The following TWSG1 variants were observed in gnomAD, a reference collection of about 807,000 sequenced individuals.
TWSG1 encodes the protein twisted gastrulation protein homolog 1.
In TWSG1, 15 loss-of-function variants were observed where a neutral mutation model predicts 23.0. The observed-to-expected ratio is 0.65, with a 90% confidence interval of 0.44 to 1.00. The LOEUF is 1.00. Ranked by LOEUF, TWSG1 falls within the 50% of genes least tolerant of loss-of-function variation. The probability of loss-of-function intolerance (pLI) is 0.00; values close to 1 mark genes in which losing one functional copy is unlikely to be tolerated. For synonymous variants in TWSG1, 86 were observed against 92.8 expected, an observed-to-expected ratio of 0.93 and a Z score of 0.42; for missense variants, 242 against 278.7, an observed-to-expected ratio of 0.87 and a Z score of 0.94.
intron 4 of TWSG1, among the ~76,000 whole-genome samples, chr18:9,399,007 CA>C (rs879700117): frequency 1.2e-3 from 158 of 136,438 alleles, no homozygotes; most frequent in South Asian, 2.5e-3. Flanking sequence ...GACTCCATCT[CA>C]AAAAAAAAAA....
chr18:9,335,863 C>T (rs573930872), intron 1 of TWSG1, among the ~76,000 whole-genome samples: 39 of 152,160 alleles, frequency 2.6e-4, no homozygotes, highest in Non-Finnish European at 4.6e-4. Flanking sequence ...CATAAATGCC[C>T]CCATAAACTC....
intron 3 of TWSG1, among the ~76,000 whole-genome samples, chr18:9,378,034 A>G (rs1249413383): frequency 3.3e-5 from 5 of 152,250 alleles, no homozygotes; most frequent in Non-Finnish European, 2.9e-5. Flanking sequence ...TACAACACCA[A>G]AGGCACAATA....
chr18:9,336,805 A>T (rs8095060), intron 1 of TWSG1, among the ~76,000 whole-genome samples: 69,217 of 152,062 alleles, frequency 0.46, 16,909 homozygotes, highest in African/African-American at 0.65. Flanking sequence ...GGAACTGTAG[A>T]GTTCTAGGTC....
intron 3 of TWSG1, chr18:9,388,022 G>A (rs1211282320): frequency 6.6e-6 from 1 of 152,144 alleles, no homozygotes; most frequent in African/African-American, 2.4e-5. Context: ...GAATCTGCTT[G>A]TTGTGTTTTT....
At chr18:9,393,257 A>G (rs1247216390) in intron 3 of TWSG1, among the ~76,000 whole-genome samples, 1 of 152,254 alleles carries the variant, frequency 6.6e-6, no homozygotes, top group Non-Finnish European at 1.5e-5. Context: ...TGCTCACAAA[A>G]AGAAACACAG....
chr18:9,357,798 T>C (rs1296918666), intron 2 of TWSG1, among the ~76,000 whole-genome samples: 1 of 151,242 alleles, frequency 6.6e-6, no homozygotes, highest in African/African-American at 2.4e-5. Context: ...ATTCTCTCCT[T>C]CTTGGCTAGT....
At chr18:9,358,056 T>C (rs2040535144) in intron 2 of TWSG1, among the ~76,000 whole-genome samples, 2 of 152,190 alleles carry the variant, frequency 1.3e-5, no homozygotes, top group Non-Finnish European at 2.9e-5. Flanking sequence ...CCAATTGATA[T>C]GAATATATCA....
At chr18:9,390,978 C>G (rs1405353762) in intron 3 of TWSG1, among the ~76,000 whole-genome samples, 1 of 152,208 alleles carries the variant, frequency 6.6e-6, no homozygotes, top group African/African-American at 2.4e-5. Flanking sequence ...TGTGCCACTA[C>G]ACTCCAGCTT....
chr18:9,392,709 C>CT (rs932678525), intron 3 of TWSG1, among the ~76,000 whole-genome samples: 15 of 151,904 alleles, frequency 9.9e-5, no homozygotes, highest in Admixed American at 7.2e-4. Flanking sequence ...TCTTCTTTTT[C>CT]TTTTTTTTGG....
intron 3 of TWSG1, among the ~76,000 whole-genome samples, chr18:9,383,860 T>C (rs1250669458): frequency 1.3e-5 from 2 of 152,040 alleles, no homozygotes; most frequent in Admixed American, 1.3e-4. Context: ...TGACAGTGGG[T>C]CCAGTGGTGG....
intron 3 of TWSG1, among the ~76,000 whole-genome samples, chr18:9,395,825 C>T (rs2040732144): frequency 6.6e-6 from 1 of 152,174 alleles, no homozygotes; most frequent in Admixed American, 6.5e-5. Flanking sequence ...CCTTGGCCTC[C>T]CAAAGTGCTG....
At chr18:9,374,188 A>G (rs1224250681) in intron 3 of TWSG1, among the ~76,000 whole-genome samples, 2 of 152,228 alleles carry the variant, frequency 1.3e-5, no homozygotes, top group African/African-American at 4.8e-5. Context: ...GAAGTAATAC[A>G]AATTAGAGTA....
intron 3 of TWSG1, among the ~76,000 whole-genome samples, chr18:9,361,735 C>T (rs927685073): frequency 1.3e-4 from 20 of 152,210 alleles, no homozygotes; most frequent in African/African-American, 4.8e-4. Flanking sequence ...TTCCCATACT[C>T]ATCTCTACCC....
chr18:9,361,130 T>C (rs1568034200), intron 3 of TWSG1, among the ~76,000 whole-genome samples: 1 of 152,220 alleles, frequency 6.6e-6, no homozygotes, highest in Non-Finnish European at 1.5e-5. Flanking sequence ...ATTATCTGTC[T>C]TTCTGTATTT....
intron 3 of TWSG1, among the ~76,000 whole-genome samples, chr18:9,378,817 C>CAA (rs879853950): frequency 9.4e-5 from 13 of 138,570 alleles, no homozygotes; most frequent in African/African-American, 3.4e-4. Context: ...CAAAAAATAC[C>CAA]AAAAAAAAAA....
At chr18:9,375,022 C>CTGGG (rs1402089406) in intron 3 of TWSG1, among the ~76,000 whole-genome samples, 1 of 152,064 alleles carries the variant, frequency 6.6e-6, no homozygotes, top group African/African-American at 2.4e-5. Context: ...AAAAAATTAG[C>CTGGG]TGGGCGTGGT....
intron 3 of TWSG1, among the ~76,000 whole-genome samples, chr18:9,394,744 C>T (rs749026856): frequency 6.6e-6 from 1 of 152,136 alleles, no homozygotes; most frequent in Non-Finnish European, 1.5e-5. Flanking sequence ...TACCCTTCCT[C>T]TCCCTACAGA....
chr18:9,382,651 A>T (rs1274263171), intron 3 of TWSG1, among the ~76,000 whole-genome samples: 3 of 151,892 alleles, frequency 2.0e-5, no homozygotes, highest in Non-Finnish European at 2.9e-5. Flanking sequence ...TACTAAAAAT[A>T]AAAAAATTAG....
At chr18:9,339,146 A>C (rs895341673) in intron 2 of TWSG1, among the ~76,000 whole-genome samples, 1 of 152,042 alleles carries the variant, frequency 6.6e-6, no homozygotes, top group South Asian at 2.1e-4. Flanking sequence ...TTGAGGCTGC[A>C]GTGAGCTATG....
Sources: gnomAD v4.1 joint callset for allele counts (sites outside exome capture counted in the v4.1 genomes callset) on GRCh38, gnomAD v4.1.1 for gene constraint, MANE v1.5 for transcripts, NCBI Gene and HGNC (gene_info 2026-07-23, HGNC 2026-07-21) for gene names.